Variants in CCDC152 observed in about 807,000 individuals in gnomAD.
CCDC152 encodes the protein coiled-coil domain containing 152.
A neutral mutation model predicts 38.1 loss-of-function variants in CCDC152; 37 were observed. The ratio of observed to expected loss-of-function variants is 0.97; its 90% CI spans 0.75 to 1.28. The LOEUF (loss-of-function observed/expected upper bound fraction) is 1.28, where lower values mean the gene tolerates loss of function less well. Among genes scored for constraint, CCDC152 ranks in the 50% most tolerant of loss-of-function variants. The pLI is 0.00. For synonymous variants in CCDC152, 83 were observed against 87.1 expected, an observed-to-expected ratio of 0.95 and a Z score of 0.26; for missense variants, 259 against 292.1, an observed-to-expected ratio of 0.89 and a Z score of 0.83.
At chr5:42,773,901 C>T (rs1243738708) in intron 4 of CCDC152, among the ~76,000 whole-genome samples, 4 of 152,136 alleles carry the variant, frequency 2.6e-5, no homozygotes, top group African/African-American at 7.2e-5. Context: ...AAAATGTGTC[C>T]CTTTTAAGTA....
intron 8 of CCDC152, 70 bp downstream of exon 8, chr5:42,799,528 C>G (rs973139790): frequency 8.3e-7 from 1 of 1,197,982 alleles, no homozygotes; most frequent in Non-Finnish European, 1.2e-6. Context: ...TAAAAATCAT[C>G]TAATTCTTAT....
intron 5 of CCDC152, among the ~76,000 whole-genome samples, chr5:42,779,763 A>G (rs1296339507): frequency 1.3e-5 from 2 of 151,966 alleles, no homozygotes; most frequent in Non-Finnish European, 1.5e-5. Context: ...AATAACTTGC[A>G]TTACTTTTTC....
chr5:42,787,834 A>G (rs1377865769), intron 6 of CCDC152, among the ~76,000 whole-genome samples: 2 of 152,144 alleles, frequency 1.3e-5, no homozygotes, highest in East Asian at 1.9e-4. Flanking sequence ...CTTTGAACCT[A>G]TGGTGTCATT....
At chr5:42,766,454 G>A (rs1347662559) in intron 3 of CCDC152, among the ~76,000 whole-genome samples, 4 of 152,226 alleles carry the variant, frequency 2.6e-5, no homozygotes, top group South Asian at 2.1e-4. Flanking sequence ...GTTAAAGAGA[G>A]ATCTGCACTC....
Position 42,796,950 on chromosome 5 carries a change from A to C in CCDC152, c.552A>C (p.Gln184His). ...KEKQNEIIKL[Q>H]LEFDAKLARV... ...AACAAAATGAAATAATCAAGCTACA[A>C]CTAGAAGTAAGTGTTTAAGAGTCTG... The change falls in exon 7 of 9, where the codon CAA becomes CAC. Residue 184 changes from glutamine (Q) to histidine (H), a missense_variant. Coordinates refer to ENST00000361970, the MANE Select transcript of CCDC152 (RefSeq NM_001134848.2). 1 of 1,518,560 alleles carries C rather than the reference A, an allele frequency of 6.6e-7. No homozygotes were observed. The highest frequency in any genetic ancestry group is 8.8e-7 in the Non-Finnish European group (1 of 1,135,366). 94.1% of individuals were successfully genotyped at this position (1,518,560 alleles called of 1,614,324 possible).
At chr5:42,794,488 C>T (rs768239220) in intron 6 of CCDC152, among the ~76,000 whole-genome samples, 3 of 152,184 alleles carry the variant, frequency 2.0e-5, no homozygotes, top group Non-Finnish European at 4.4e-5. Flanking sequence ...GTATAAATTG[C>T]ACTGTTCCCT....
intron 3 of CCDC152, among the ~76,000 whole-genome samples, chr5:42,768,260 C>T (rs55828406): frequency 0.043 from 6,564 of 152,232 alleles, 196 homozygotes; most frequent in Admixed American, 0.082. Flanking sequence ...CCTACTTACC[C>T]CTTATCTGCT....
At chr5:42,772,122 A>G (rs1759707255) in intron 4 of CCDC152, among the ~76,000 whole-genome samples, 1 of 152,244 alleles carries the variant, frequency 6.6e-6, no homozygotes, top group Non-Finnish European at 1.5e-5. Context: ...AGATCAATCA[A>G]TGTGATACAC....
chr5:42,790,624 T>C (rs1045978144), intron 6 of CCDC152, among the ~76,000 whole-genome samples: 5 of 152,154 alleles, frequency 3.3e-5, no homozygotes, highest in African/African-American at 1.2e-4. Flanking sequence ...ACTGGGTAAG[T>C]TGTCAGTCTG....
chr5:42,789,679 G>A (rs140722416), intron 6 of CCDC152, among the ~76,000 whole-genome samples: 10 of 152,098 alleles, frequency 6.6e-5, no homozygotes, highest in African/African-American at 2.2e-4. Context: ...TATATGTAAA[G>A]CATATTGAAT....
intron 1 of CCDC152, among the ~76,000 whole-genome samples, 169 bp downstream of exon 1, chr5:42,757,054 A>G (rs1759488903): frequency 6.6e-6 from 1 of 151,902 alleles, no homozygotes; most frequent in Admixed American, 6.6e-5. Flanking sequence ...CTAGGCCGCT[A>G]AGGACGCTAG....
rs925781104 is a variant in CCDC152 at position 42,797,511 on chromosome 5, C to G, written c.558+555C>G. Among the ~76,000 whole-genome samples, 43 of 152,084 alleles carry G rather than the reference C, an allele frequency of 2.8e-4. 1 individual carries two copies. Among genetic ancestry groups the G allele is most frequent in the African/African-American group, 1.0e-3 (43 of 41,402 alleles). ...CCAATACAGTGAAACTTTATTTTAG[C>G]TATTGTATTTTTAGCACTCACATTT... On this transcript the variant is annotated intron_variant, in intron 7 of 8. Coordinates refer to ENST00000361970, the MANE Select transcript of CCDC152 (RefSeq NM_001134848.2).
At chr5:42,774,455 A>G (rs1323421441) in intron 4 of CCDC152, among the ~76,000 whole-genome samples, 2 of 152,200 alleles carry the variant, frequency 1.3e-5, no homozygotes, top group Non-Finnish European at 2.9e-5. Context: ...GAAAGAAGCT[A>G]TTTTATCTGA....
chr5:42,757,533 C>T (rs1174032560), intron 1 of CCDC152, among the ~76,000 whole-genome samples: 1 of 152,188 alleles, frequency 6.6e-6, no homozygotes, highest in Non-Finnish European at 1.5e-5. Context: ...ACAAATCAGT[C>T]TCTGCGGCTC....
chr5:42,799,566 C>A, intron 8 of CCDC152, 93 bp from the exon 9 acceptor site: 1 of 1,161,850 alleles, frequency 8.6e-7, no homozygotes, highest in Non-Finnish European at 1.2e-6. Flanking sequence ...TTTTAAAATA[C>A]CAATAGCAGA....
At position 42,785,706 on chromosome 5, in the gene CCDC152, G is replaced by A. The variant is rs149211243; in HGVS notation, c.430+2130G>A. On this transcript the variant is annotated intron_variant, in intron 6 of 8. Coordinates refer to ENST00000361970, the MANE Select transcript of CCDC152 (RefSeq NM_001134848.2). Reference sequence around the variant, plus strand: ...CAATGGATATCCTTGTTTTGTTCCAGTTCTTAGGGGACATGCTTTCAACTT... The same window carrying A: ...CAATGGATATCCTTGTTTTGTTCCAATTCTTAGGGGACATGCTTTCAACTT... 4.2e-3 allele frequency among the ~76,000 whole-genome samples: 636 copies of A among 152,172 alleles called. 8 individuals carry two copies. The highest frequency in any genetic ancestry group is 0.013 in the African/African-American group (557 of 41,534).
Position 42,800,931 on chromosome 5 carries a change from GT to G in CCDC152, c.*1156del. On this transcript the variant is annotated 3_prime_UTR_variant, in exon 9 of 9. Coordinates refer to ENST00000361970, the MANE Select transcript of CCDC152 (RefSeq NM_001134848.2). ...ACACTGTCAGGTGATTGCAGACCCT[GT>G]TTTTTCAAATATCAGATGTCGACAA... 6.2e-7 allele frequency: 1 copy of G among 1,614,190 alleles called. No individual in the cohort carries two copies. The highest frequency in any genetic ancestry group is 8.5e-7 in the Non-Finnish European group (1 of 1,180,026).
In CCDC152 at chr5:42,802,347, A is replaced by G. The variant is rs1010746629; in HGVS notation, c.*2566A>G. Reference sequence around the variant, plus strand: ...ATTTGCAAATAAAATTACAAAATCAACTTAGAACCCAAAGACTCACTAAGT... The same window carrying G: ...ATTTGCAAATAAAATTACAAAATCAGCTTAGAACCCAAAGACTCACTAAGT... On this transcript the variant is annotated 3_prime_UTR_variant, in exon 9 of 9. Coordinates refer to ENST00000361970, the MANE Select transcript of CCDC152 (RefSeq NM_001134848.2). 5.3e-5 allele frequency: 8 copies of G among 152,208 alleles called. No homozygotes were observed. The highest frequency in any genetic ancestry group is 8.8e-5 in the Non-Finnish European group (6 of 68,032). 9.4% of individuals were successfully genotyped at this position (152,208 alleles called of 1,614,324 possible).
At chr5:42,790,200 G>A (rs945753140) in intron 6 of CCDC152, among the ~76,000 whole-genome samples, 1 of 152,194 alleles carries the variant, frequency 6.6e-6, no homozygotes, top group Admixed American at 6.5e-5. Flanking sequence ...GCCAGGCACG[G>A]TGGCTCACAC....
Sources: allele counts gnomAD v4.1 joint callset (sites outside exome capture counted in the v4.1 genomes callset), GRCh38; gene constraint gnomAD v4.1.1; transcripts MANE v1.5; gene names NCBI Gene and HGNC (gene_info 2026-07-23, HGNC 2026-07-21).